The following ARL14EPL variants were observed in gnomAD, a reference collection of about 807,000 sequenced individuals.
The protein encoded by ARL14EPL is ARL14 effector protein-like.
ARL14EPL carries 17 observed loss-of-function variants against 15.9 expected under a neutral mutation model. That is an observed-to-expected ratio of 1.07 (90% CI 0.73 to 1.60). ARL14EPL has a LOEUF of 1.60. Among genes scored for constraint, ARL14EPL ranks in the 40% most tolerant of loss-of-function variants. The pLI, the probability that ARL14EPL is intolerant of heterozygous loss-of-function variation, is 0.00. For missense variants in ARL14EPL, 214 were observed against 185.9 expected, an observed-to-expected ratio of 1.15 and a Z score of -0.88; for synonymous variants, 78 against 63.8, an observed-to-expected ratio of 1.22 and a Z score of -1.06.
intron 1 of ARL14EPL, among the ~76,000 whole-genome samples, chr5:116,035,862 A>G (rs1749040965): frequency 6.6e-6 from 1 of 152,216 alleles, no homozygotes; most frequent in South Asian, 2.1e-4. Context: ...TGAGGGAAGA[A>G]TCCTGAGAAC....
chr5:116,057,191 T>C (rs901667635), intron 3 of ARL14EPL, among the ~76,000 whole-genome samples: 1 of 152,100 alleles, frequency 6.6e-6, no homozygotes, highest in Non-Finnish European at 1.5e-5. Flanking sequence ...ATTATCTCCG[T>C]AGATGCAGAA....
At chr5:116,055,524 A>C (rs2112681629) in intron 3 of ARL14EPL, among the ~76,000 whole-genome samples, 1 of 152,302 alleles carries the variant, frequency 6.6e-6, no homozygotes, top group South Asian at 2.1e-4. Flanking sequence ...AAGAATCTCA[A>C]CTCATGATCA....
intron 3 of ARL14EPL, among the ~76,000 whole-genome samples, chr5:116,058,523 G>T (rs531532239): frequency 6.6e-6 from 1 of 152,176 alleles, no homozygotes; most frequent in African/African-American, 2.4e-5. Flanking sequence ...TGAATTTCCC[G>T]TGACGTCACT....
At chr5:116,052,296 G>A (rs1749402602) in intron 2 of ARL14EPL, 1 of 1,340,614 alleles carries the variant, frequency 7.5e-7, no homozygotes, top group Non-Finnish European at 1.1e-6. Context: ...GCGAAGCTCG[G>A]AGAGTAGCAG....
intron 1 of ARL14EPL, among the ~76,000 whole-genome samples, chr5:116,040,776 C>A (rs148319549): frequency 2.7e-5 from 4 of 148,896 alleles, no homozygotes; most frequent in East Asian, 2.0e-4. Context: ...CGAGACCATC[C>A]TGGCTAACAC....
intron 1 of ARL14EPL, among the ~76,000 whole-genome samples, chr5:116,038,640 G>T (rs1490095779): frequency 7.1e-6 from 1 of 141,596 alleles, no homozygotes; most frequent in Non-Finnish European, 1.5e-5. Flanking sequence ...GCGAAGTGTG[G>T]AGATTAAAAA....
chr5:116,033,657 A>G (rs995971161), intron 1 of ARL14EPL, among the ~76,000 whole-genome samples: 1 of 152,180 alleles, frequency 6.6e-6, no homozygotes, highest in African/African-American at 2.4e-5. Flanking sequence ...ACAGGTAGAT[A>G]TTATCTACTC....
Position 116,053,893 on chromosome 5 carries a change from G to A in ARL14EPL, c.97-121G>A, listed in dbSNP as rs114880191. On this transcript the variant is annotated intron_variant, in intron 2 of 3. Coordinates refer to ENST00000686077, the MANE Select transcript of ARL14EPL (RefSeq NM_001195581.2). ...ATTAGATTAAATCGTTTATGTCTTT[G>A]TGTAAAACATATATACTTTCATGCC... is the stretch of plus-strand genomic sequence containing the variant. The A allele has an allele frequency of 9.9e-3, 7,731 of 779,856 alleles. 77 individuals carry two copies. The highest frequency in any genetic ancestry group is 0.018 in the Middle Eastern group (60 of 3,376). 48.3% of individuals were successfully genotyped at this position (779,856 alleles called of 1,614,324 possible).
intron 1 of ARL14EPL, among the ~76,000 whole-genome samples, chr5:116,042,646 T>G (rs1749184071): frequency 6.6e-6 from 1 of 152,188 alleles, no homozygotes; most frequent in African/African-American, 2.4e-5. Flanking sequence ...AGTGAGAGCT[T>G]GTTCAGTAAG....
At position 116,055,819 on chromosome 5, in the gene ARL14EPL, C is replaced by G. The variant is rs1478662032; in HGVS notation, c.236+1666C>G. ...CCACTCCCCCAACCCCACAACAGGC[C>G]CCAGTGTGTGATGTTCCCCTTCCTC... On this transcript the variant is annotated intron_variant, in intron 3 of 3. Transcript: ENST00000686077. Among the ~76,000 whole-genome samples the G allele has an allele frequency of 2.0e-5, 3 of 151,974 alleles. 1 individual carries two copies. Among genetic ancestry groups the G allele is most frequent in the Non-Finnish European group, 2.9e-5 (2 of 68,016 alleles).
intron 1 of ARL14EPL, among the ~76,000 whole-genome samples, chr5:116,041,522 T>C (rs1327827405): frequency 6.6e-6 from 1 of 152,212 alleles, no homozygotes; most frequent in Non-Finnish European, 1.5e-5. Context: ...CTCTCCTCTC[T>C]GTTGACTTTA....
intron 3 of ARL14EPL, among the ~76,000 whole-genome samples, chr5:116,057,518 G>C (rs1036319755): frequency 6.6e-6 from 1 of 151,926 alleles, no homozygotes; most frequent in Non-Finnish European, 1.5e-5. Context: ...TCTGACCTGT[G>C]GTATAGGTTG....
intron 1 of ARL14EPL, among the ~76,000 whole-genome samples, chr5:116,033,882 C>T (rs1184772362): frequency 1.3e-5 from 2 of 152,162 alleles, no homozygotes; most frequent in African/African-American, 4.8e-5. Context: ...ACTTGCCTGT[C>T]CTCAGCTGAA....
At chr5:116,038,592 CA>C (rs1561576213) in intron 1 of ARL14EPL, among the ~76,000 whole-genome samples, 1 of 150,076 alleles carries the variant, frequency 6.7e-6, no homozygotes, top group African/African-American at 2.5e-5. Flanking sequence ...GAAAGTGACA[CA>C]ATGCAGACAA....
chr5:116,039,295 A>G (rs915655360), intron 1 of ARL14EPL, among the ~76,000 whole-genome samples: 1 of 152,148 alleles, frequency 6.6e-6, no homozygotes. Flanking sequence ...CTTGGAAAGG[A>G]TGGCCTTCAA....
intron 2 of ARL14EPL, chr5:116,052,166 C>A (rs1469966361): frequency 6.2e-7 from 1 of 1,609,942 alleles, no homozygotes; most frequent in Middle Eastern, 1.7e-4. Flanking sequence ...GAGCTTGTCC[C>A]GAACTTTGCC....
chr5:116,057,625 A>G (rs1240647052), intron 3 of ARL14EPL, among the ~76,000 whole-genome samples: 1 of 152,186 alleles, frequency 6.6e-6, no homozygotes, highest in Non-Finnish European at 1.5e-5. Flanking sequence ...TTCATTCCAC[A>G]AATAAAGTAC....
chr5:116,050,356 G>C (rs543726870), intron 1 of ARL14EPL, among the ~76,000 whole-genome samples: 1 of 152,108 alleles, frequency 6.6e-6, no homozygotes, highest in African/African-American at 2.4e-5. Flanking sequence ...TTTGGTTTTC[G>C]TTTTCTGTAT....
At chr5:116,057,795 C>T (rs190556622) in intron 3 of ARL14EPL, among the ~76,000 whole-genome samples, 1 of 152,268 alleles carries the variant, frequency 6.6e-6, no homozygotes, top group Admixed American at 6.5e-5. Context: ...AGGCATTGTG[C>T]CTGCTTAGGG....
Sources: gnomAD v4.1 joint callset for allele counts (sites outside exome capture counted in the v4.1 genomes callset) on GRCh38, gnomAD v4.1.1 for gene constraint, MANE v1.5 for transcripts, NCBI Gene and HGNC (gene_info 2026-07-23, HGNC 2026-07-21) for gene names.